ZNF778: variants seen among roughly 807,000 people sequenced by gnomAD.
ZNF778 encodes the protein zinc finger protein 778.
A neutral mutation model predicts 23.9 loss-of-function variants in ZNF778; 37 were observed. That is an observed-to-expected ratio of 1.54 (90% CI 1.19 to 2.03). ZNF778 has a LOEUF of 2.03. Among genes scored for constraint, ZNF778 ranks in the 30% most tolerant of loss-of-function variants. The pLI, the probability that ZNF778 is intolerant of heterozygous loss-of-function variation, is 0.00. For synonymous variants in ZNF778, 483 were observed against 343.9 expected (o/e 1.40, Z -4.48); for missense variants, 1,297 against 934.4 (o/e 1.39, Z -5.06).
Position 89,232,660 on chromosome 16 carries a change from A to G in ZNF778, c.*4098A>G. ...TAATTATGTTTTTTTTTTTTTTGTTAGGGTACATTTTCATCCTGGGGTCTT... is the reference window on the plus strand; with the variant it reads ...TAATTATGTTTTTTTTTTTTTTGTTGGGGTACATTTTCATCCTGGGGTCTT... On this transcript the variant is annotated 3_prime_UTR_variant, in exon 7 of 7. Coordinates refer to ENST00000433976, the MANE Select transcript of ZNF778 (RefSeq NM_001201407.2). The G allele has an allele frequency of 1.7e-6, 2 of 1,202,922 alleles. No individual in the cohort carries two copies. Among genetic ancestry groups the G allele is most frequent in the Non-Finnish European group, 2.1e-6 (2 of 948,474 alleles). 74.5% of individuals were successfully genotyped at this position (1,202,922 alleles called of 1,614,324 possible).
At position 89,230,955 on chromosome 16, in the gene ZNF778, G is replaced by T. The variant is rs2031891370; in HGVS notation, c.*2393G>T. Reference sequence around the variant, plus strand: ...CTTCATGTTACGTGTTTAAAATTCTGGATGGACAGACCCGTGCACCTTCCT... The same window carrying T: ...CTTCATGTTACGTGTTTAAAATTCTTGATGGACAGACCCGTGCACCTTCCT... On this transcript the variant is annotated 3_prime_UTR_variant, in exon 7 of 7. Coordinates refer to ENST00000433976, the MANE Select transcript of ZNF778 (RefSeq NM_001201407.2). 6.6e-6 allele frequency: 1 copy of T among 152,148 alleles called. No individual in the cohort carries two copies. Among genetic ancestry groups the T allele is most frequent in the Non-Finnish European group, 1.5e-5 (1 of 68,062 alleles). The allele number at this position is 152,148 out of a possible 1,614,324, so 9.4% of individuals were successfully genotyped here. A position where few individuals can be genotyped will look rare whatever the true frequency, so the allele number is the denominator to read the frequency against.
intron 2 of ZNF778, among the ~76,000 whole-genome samples, chr16:89,221,731 G>GTGTTT (rs2030971160): frequency 6.6e-6 from 1 of 151,318 alleles, no homozygotes; most frequent in Non-Finnish European, 1.5e-5. Flanking sequence ...GGCTGTGTGT[G>GTGTTT]TCTTTTCCTG....
At position 89,233,445 on chromosome 16, in the gene ZNF778, G is replaced by GCATA. The variant is rs1567515962; in HGVS notation, c.*4883_*4884insCATA. ...GTATGCAACTCAACTCGCACTGCGT[G>GCATA]TGCAACTCAACTCGCACTGCGTGTG... On this transcript the variant is annotated 3_prime_UTR_variant, in exon 7 of 7. Transcript: ENST00000433976. 3 of 1,159,418 alleles carry GCATA rather than the reference G, an allele frequency of 2.6e-6. No individual in the cohort carries two copies. The African/African-American group carries it at 7.3e-5, about 28-fold the overall frequency. The allele number at this position is 1,159,418 out of a possible 1,614,324, so 71.8% of individuals were successfully genotyped here.
Position 89,235,836 on chromosome 16 carries a change from A to T in ZNF778, c.*7274A>T, listed in dbSNP as rs2032218789. The T allele has an allele frequency of 6.6e-6, 1 of 152,090 alleles. No homozygotes were observed. Among genetic ancestry groups the T allele is most frequent in the East Asian group, 1.9e-4 (1 of 5,204 alleles). The allele number at this position is 152,090 out of a possible 1,614,324, so 9.4% of individuals were successfully genotyped here. The stretch of plus-strand genomic sequence containing the variant: ...AAAAACTTAAGTTTGAAGAGGTTCC[A>T]TGAGCCCCAGACAGGATAAACCTAA... On this transcript the variant is annotated 3_prime_UTR_variant, in exon 7 of 7. Transcript: ENST00000433976.
chr16:89,217,747 C>G lies in ZNF778; in HGVS notation c.-295C>G, dbSNP rs1171309034. On this transcript the variant is annotated 5_prime_UTR_variant, in exon 1 of 7. Coordinates refer to ENST00000433976, the MANE Select transcript of ZNF778 (RefSeq NM_001201407.2). ...GTTCTTGCGGCGGTGCGTGCTGGCG[C>G]CGGAGAGTTCCGCGCGTGTCCTCGG... 1.3e-5 allele frequency: 2 copies of G among 152,232 alleles called. No individual in the cohort carries two copies. The highest frequency in any genetic ancestry group is 4.8e-5 in the African/African-American group (2 of 41,464). 9.4% of individuals were successfully genotyped at this position (152,232 alleles called of 1,614,324 possible).
At chr16:89,224,657 C>T (rs1181699199) in intron 4 of ZNF778, 62 bp from the exon 5 acceptor site, 22 of 1,177,004 alleles carry the variant, frequency 1.9e-5, no homozygotes, top group Middle Eastern at 3.8e-4. Context: ...TTCCTGTTCA[C>T]GGGTAGGTTT....
At chr16:89,218,887 C>T (rs1049342122) in intron 1 of ZNF778, among the ~76,000 whole-genome samples, 3 of 152,174 alleles carry the variant, frequency 2.0e-5, no homozygotes, top group Admixed American at 2.0e-4. Flanking sequence ...GCGGGTGGAT[C>T]ATCTGAGGTC....
At position 89,232,642 on chromosome 16, in the gene ZNF778, G is replaced by C. The variant is rs998322417; in HGVS notation, c.*4080G>C. 9.6e-7 allele frequency: 1 copy of C among 1,047,116 alleles called. No homozygotes were observed. The highest frequency in any genetic ancestry group is 1.1e-6 in the Non-Finnish European group (1 of 877,848). 64.9% of individuals were successfully genotyped at this position (1,047,116 alleles called of 1,614,324 possible). ...TTAAAGGACCAATTGTATTAATTAT[G>C]TTTTTTTTTTTTTTGTTAGGGTACA... On this transcript the variant is annotated 3_prime_UTR_variant, in exon 7 of 7. Coordinates refer to ENST00000433976, the MANE Select transcript of ZNF778 (RefSeq NM_001201407.2).
chr16:89,223,099 T>C, intron 3 of ZNF778, 58 bp from the exon 4 acceptor site: 1 of 1,579,308 alleles, frequency 6.3e-7, no homozygotes, highest in Non-Finnish European at 8.6e-7. Context: ...CTCCTCATTC[T>C]TCAGTGAATA....
chr16:89,220,427 G>T (rs530981443), intron 1 of ZNF778, among the ~76,000 whole-genome samples: 14 of 152,286 alleles, frequency 9.2e-5, no homozygotes, highest in African/African-American at 3.1e-4. Context: ...GGAGGCCGAG[G>T]TGGGCGGATC....
At chr16:89,219,053 GCCAAGA>G in intron 1 of ZNF778, among the ~76,000 whole-genome samples, 1 of 151,924 alleles carries the variant, frequency 6.6e-6, no homozygotes, top group Non-Finnish European at 1.5e-5. Context: ...GTTGCGGTGA[GCCAAGA>G]TCGTGCCATT....
chr16:89,224,718 G>C lies in ZNF778; in HGVS notation c.245-1G>C, dbSNP rs2031308573. The C allele has an allele frequency of 6.5e-7, 1 of 1,534,882 alleles. No individual in the cohort carries two copies. The highest frequency in any genetic ancestry group is 8.7e-7 in the Non-Finnish European group (1 of 1,145,952). On this transcript the variant is annotated splice_acceptor_variant, in intron 4 of 6. Transcript: ENST00000433976. LOFTEE classifies it high-confidence loss of function. ...ATCGATGTCTCTTTCCCTGTGTACA[G>C]GACATCACCTGTTCCAACCCAGTGT... is the stretch of plus-strand genomic sequence containing the variant.
In ZNF778 at chr16:89,229,217, C is replaced by T; in HGVS notation, c.*655C>T. The T allele has an allele frequency of 1.0e-6, 1 of 985,682 alleles. No individual in the cohort carries two copies. Among genetic ancestry groups the T allele is most frequent in the Non-Finnish European group, 1.2e-6 (1 of 830,108 alleles). The allele number at this position is 985,682 out of a possible 1,614,324, so 61.1% of individuals were successfully genotyped here. On this transcript the variant is annotated 3_prime_UTR_variant, in exon 7 of 7. Coordinates refer to ENST00000433976, the MANE Select transcript of ZNF778 (RefSeq NM_001201407.2). The stretch of plus-strand genomic sequence containing the variant: ...TGATCCTGTGTGAGCAGTGTAGGCT[C>T]TGGTTGGTTAGTCTTGAGGATCCAG...
intron 3 of ZNF778, 148 bp from the exon 4 acceptor site, chr16:89,223,009 G>T: frequency 1.1e-6 from 1 of 916,818 alleles, no homozygotes; most frequent in Non-Finnish European, 1.6e-6. Context: ...GTGTGTGCGG[G>T]CAGAGAAGGG....
In ZNF778 at chr16:89,221,077, G is replaced by T; in HGVS notation, c.-51G>T. 1 of 1,555,514 alleles carries T rather than the reference G, an allele frequency of 6.4e-7. No homozygotes were observed. Among genetic ancestry groups the T allele is most frequent in the Non-Finnish European group, 8.7e-7 (1 of 1,149,028 alleles). ...ATAGATTCACAAGCTGCCCTGCAGT[G>T]GCCTTGGCTTCAGGAAAGGAGCATT... On this transcript the variant is annotated 5_prime_UTR_variant, in exon 2 of 7. Coordinates refer to ENST00000433976, the MANE Select transcript of ZNF778 (RefSeq NM_001201407.2).
chr16:89,227,700 A>T lies in ZNF778; in HGVS notation c.1412A>T (p.His471Leu), dbSNP rs1207444798. Residue 471 changes from histidine (H) to leucine (L), a missense_variant, in exon 7 of 7, where the codon CAC (histidine) becomes CTC (leucine). Coordinates refer to ENST00000433976, the MANE Select transcript of ZNF778 (RefSeq NM_001201407.2). The part of the protein sequence containing the change: ...SSGLTEHVRT[H>L]TGEKPYECKD... ...GGCCTTACTGAGCATGTAAGGACTC[A>T]CACTGGAGAGAAACCATATGAATGT... The T allele has an allele frequency of 1.2e-6, 2 of 1,614,112 alleles. No homozygotes were observed. The highest frequency in any genetic ancestry group is 1.7e-6 in the Non-Finnish European group (2 of 1,180,048).
At position 89,228,144 on chromosome 16, in the gene ZNF778, G is replaced by T; in HGVS notation, c.1856G>T (p.Cys619Phe). 1 of 1,613,620 alleles carries T rather than the reference G, an allele frequency of 6.2e-7. No homozygotes were observed. The highest frequency in any genetic ancestry group is 1.1e-5 in the South Asian group (1 of 91,042). ...CACACTGGAGAGAAACCTTATGAAT[G>T]TAAAGTATGCGGAAAGGCCTTCACC... ...RTHTGEKPYE[C>F]KVCGKAFTTS... The change falls in exon 7 of 7, where the codon TGT (cysteine) becomes TTT (phenylalanine). Residue 619 changes from cysteine (C) to phenylalanine (F), a missense_variant. Physicochemically the swap from Cys to Phe is radical, Grantham distance 205. Transcript: ENST00000433976.
Position 89,228,501 on chromosome 16 carries a change from T to G in ZNF778, c.2213T>G (p.Phe738Cys), listed in dbSNP as rs1025658146. The change falls in exon 7 of 7, where the codon TTT (phenylalanine) becomes TGT (cysteine). Residue 738 changes from phenylalanine to cysteine, a missense_variant. By Grantham distance (205) the Phe-to-Cys change is radical. Transcript: ENST00000433976. ...VFVCKDCGKS[F>C]KNSSCLNHHT... ...GTATGTAAGGACTGTGGAAAATCTTTTAAGAATTCCTCATGCCTTAACCAT... is the reference window on the plus strand; with the variant it reads ...GTATGTAAGGACTGTGGAAAATCTTGTAAGAATTCCTCATGCCTTAACCAT... 1 of 1,608,356 alleles carries G rather than the reference T, an allele frequency of 6.2e-7. No homozygotes were observed. Among genetic ancestry groups the G allele is most frequent in the Non-Finnish European group, 8.5e-7 (1 of 1,178,354 alleles).
intron 3 of ZNF778, 89 bp downstream of exon 3, chr16:89,222,272 C>A (rs1325100920): frequency 3.0e-6 from 3 of 1,009,512 alleles, no homozygotes; most frequent in Admixed American, 2.6e-5. Context: ...GTCTGCACAG[C>A]CTCACTCAAG....
Sources: gnomAD v4.1 joint callset for allele counts (sites outside exome capture counted in the v4.1 genomes callset) on GRCh38, gnomAD v4.1.1 for gene constraint, MANE v1.5 for transcripts, NCBI Gene and HGNC (gene_info 2026-07-23, HGNC 2026-07-21) for gene names.